The following COL21A1 variants were observed in gnomAD, a reference collection of about 807,000 sequenced individuals.
The protein encoded by COL21A1 is collagen alpha-1(XXI) chain.
A neutral mutation model predicts 137.9 loss-of-function variants in COL21A1; 149 were observed. The ratio of observed to expected loss-of-function variants is 1.08; its 90% CI spans 0.95 to 1.24. The LOEUF (loss-of-function observed/expected upper bound fraction) is 1.24, where lower values mean the gene tolerates loss of function less well. Ranked by LOEUF, COL21A1 falls within the 50% of genes most tolerant of loss-of-function variation. The pLI, the probability that COL21A1 is intolerant of heterozygous loss-of-function variation, is 0.00. For synonymous variants in COL21A1, 456 were observed against 391.5 expected, an observed-to-expected ratio of 1.16 and a Z score of -1.95; for missense variants, 1,167 against 1,158.4, an observed-to-expected ratio of 1.01 and a Z score of -0.11.
chr6:56,066,965 A>G (rs6914758), intron 23 of COL21A1, among the ~76,000 whole-genome samples: 9,781 of 138,128 alleles, frequency 0.071, 705 homozygotes, highest in African/African-American at 0.18. Context: ...GTGTGTGTGT[A>G]TATATATATA....
chr6:56,347,084 C>A (rs1199457183), intron 1 of COL21A1, among the ~76,000 whole-genome samples: 2 of 152,144 alleles, frequency 1.3e-5, no homozygotes, highest in Non-Finnish European at 2.9e-5. Flanking sequence ...CACTCAGCTG[C>A]CTTTGCTGCA....
chr6:56,346,857 T>G (rs113024811), intron 1 of COL21A1, among the ~76,000 whole-genome samples: 3,451 of 152,206 alleles, frequency 0.023, 55 homozygotes, highest in Middle Eastern at 0.034. Context: ...ATGTTCAGGT[T>G]TGTGCTGGTC....
intron 1 of COL21A1, among the ~76,000 whole-genome samples, chr6:56,230,576 G>A (rs1167164978): frequency 4.0e-5 from 6 of 151,646 alleles, no homozygotes; most frequent in Non-Finnish European, 7.4e-5. Context: ...TTAACATAAA[G>A]TATTGTCATG....
intron 1 of COL21A1, among the ~76,000 whole-genome samples, chr6:56,233,743 C>CAAA (rs35925060): frequency 6.8e-6 from 1 of 146,008 alleles, no homozygotes; most frequent in African/African-American, 2.5e-5. Context: ...CTTGAATAGG[C>CAAA]AAAAAAAAAA....
intron 1 of COL21A1, among the ~76,000 whole-genome samples, chr6:56,361,711 G>C (rs1765970323): frequency 6.6e-6 from 1 of 152,050 alleles, no homozygotes; most frequent in Admixed American, 6.6e-5. Flanking sequence ...AAATCAAAAA[G>C]TCAAAGCAGT....
rs377694812 is a variant in COL21A1 at position 56,314,066 on chromosome 6, C to A, written c.-39+79905G>T. Reference sequence around the variant, plus strand: ...GTGGGGTGATCTCAGCTCACTGTAACCTCCACCTCCTGGGTTCAAGTGATT... The same window carrying A: ...GTGGGGTGATCTCAGCTCACTGTAAACTCCACCTCCTGGGTTCAAGTGATT... On this transcript the variant is annotated intron_variant, in intron 1 of 28. Transcript: ENST00000370819. Among the ~76,000 whole-genome samples, 24 of 152,262 alleles carry A rather than the reference C, an allele frequency of 1.6e-4. No individual in the cohort carries two copies. In the East Asian group the frequency reaches 3.3e-3, roughly 21 times the overall value.
At chr6:56,228,223 G>C (rs1159159397) in intron 1 of COL21A1, among the ~76,000 whole-genome samples, 1 of 151,868 alleles carries the variant, frequency 6.6e-6, no homozygotes. Flanking sequence ...TCACATTTTA[G>C]AAAGCTCACA....
intron 1 of COL21A1, among the ~76,000 whole-genome samples, chr6:56,305,413 G>T (rs1379838240): frequency 1.3e-5 from 2 of 152,090 alleles, no homozygotes; most frequent in African/African-American, 4.8e-5. Flanking sequence ...GAATCTGGGG[G>T]CTCCTGTATT....
chr6:56,177,644 A>C (rs891455712), intron 3 of COL21A1, among the ~76,000 whole-genome samples: 2 of 151,862 alleles, frequency 1.3e-5, no homozygotes, highest in African/African-American at 4.8e-5. Context: ...AAATAGAAAA[A>C]ATTAGCCGGG....
chr6:56,080,463 T>A (rs1386857447), intron 17 of COL21A1, among the ~76,000 whole-genome samples: 2 of 151,880 alleles, frequency 1.3e-5, no homozygotes, highest in African/African-American at 4.8e-5. Flanking sequence ...AGAATAGAAA[T>A]ACATACTTTA....
chr6:56,362,246 C>T (rs1255365515), intron 1 of COL21A1, among the ~76,000 whole-genome samples: 4 of 152,006 alleles, frequency 2.6e-5, no homozygotes, highest in Admixed American at 6.6e-5. Context: ...AATGTATAAT[C>T]GTGTCTGAAG....
At chr6:56,128,749 G>A (rs1016823132) in intron 12 of COL21A1, among the ~76,000 whole-genome samples, 4 of 152,154 alleles carry the variant, frequency 2.6e-5, no homozygotes, top group African/African-American at 9.7e-5. Context: ...CTGCCCCCCA[G>A]GCTCAGGTGA....
At chr6:56,097,522 G>C (rs1449933261) in intron 17 of COL21A1, among the ~76,000 whole-genome samples, 1 of 151,300 alleles carries the variant, frequency 6.6e-6, no homozygotes, top group African/African-American at 2.4e-5. Context: ...GGAATATTGG[G>C]AGGAAAGAAA....
In COL21A1 at chr6:56,130,165, T is replaced by TA. The variant is rs1773409432; in HGVS notation, c.1543-4017_1543-4016insT. On this transcript the variant is annotated intron_variant, in intron 12 of 29. Transcript: ENST00000244728. ...CCCTGAGAGCATTCATGACAGGGTT[T>TA]TATATATATATATATATATATATAT... 2.8e-5 allele frequency among the ~76,000 whole-genome samples: 3 copies of TA among 107,938 alleles called. No individual in the cohort carries two copies. In the East Asian group the frequency reaches 7.4e-4, roughly 26 times the overall value. The allele number at this position is 107,938 out of a possible 152,430, so 70.8% of individuals were successfully genotyped here.
At position 56,164,473 on chromosome 6, in the gene COL21A1, G is replaced by C; in HGVS notation, c.1321C>G (p.Pro441Ala). ...LNGPSDVGSTPAPCICPPGKP... is the reference protein window; with the variant it reads ...LNGPSDVGSTAAPCICPPGKP... The stretch of plus-strand genomic sequence containing the variant: ...CCCGGAGGACAAATACAGGGAGCTG[G>C]AGTTGAACCTACATCACTGGGACCA... The change falls in exon 9 of 30, where the codon CCA becomes GCA. Residue 441 changes from proline (P) to alanine (A), a missense_variant. Physicochemically the swap from Pro to Ala is conservative, Grantham distance 27 (BLOSUM62 -1). Coordinates refer to ENST00000244728, the MANE Select transcript of COL21A1 (RefSeq NM_030820.4). The C allele has an allele frequency of 6.3e-7, 1 of 1,589,978 alleles. No homozygotes were observed. Among genetic ancestry groups the C allele is most frequent in the South Asian group, 1.1e-5 (1 of 86,986 alleles).
chr6:56,057,733 G>C lies in COL21A1; in HGVS notation c.2798C>G (p.Pro933Arg). ...KPGIQGQPGPPGICDPSLCFS... is the reference protein window; with the variant it reads ...KPGIQGQPGPRGICDPSLCFS... ...ACATAGTGATGGGTCGCAGATGCCT[G>C]GGGGGCCTGGTTGCCCTTGGATTCC... The change falls in exon 30 of 30, where the codon CCA becomes CGA. Residue 933 changes from proline (P) to arginine (R), a missense_variant. Transcript: ENST00000244728. 6.2e-7 allele frequency: 1 copy of C among 1,612,530 alleles called. No homozygotes were observed. The highest frequency in any genetic ancestry group is 8.5e-7 in the Non-Finnish European group (1 of 1,179,276).
chr6:56,256,053 T>C (rs1782962557), intron 1 of COL21A1, among the ~76,000 whole-genome samples: 2 of 152,206 alleles, frequency 1.3e-5, no homozygotes, highest in African/African-American at 4.8e-5. Flanking sequence ...TCTGATGTTT[T>C]CCTAAAGAAA....
In COL21A1 at chr6:56,097,854, T is replaced by TATATAA. The variant is rs1562188117; in HGVS notation, c.1812+3617_1812+3618insTTATAT. On this transcript the variant is annotated intron_variant, in intron 17 of 29. Transcript: ENST00000244728. ...ATATATATAAATATATAAATATATA[T>TATATAA]AAATATATAAAAATATCTATAAATA... 2.3e-4 allele frequency among the ~76,000 whole-genome samples: 20 copies of TATATAA among 87,182 alleles called. 4 individuals are homozygous for TATATAA. Among genetic ancestry groups the TATATAA allele is most frequent in the African/African-American group, 4.2e-4 (8 of 19,082 alleles). 57.2% of individuals were successfully genotyped at this position (87,182 alleles called of 152,430 possible).
intron 9 of COL21A1, 117 bp from the exon 10 acceptor site, chr6:56,157,066 C>G: frequency 2.7e-6 from 1 of 373,294 alleles, no homozygotes; most frequent in African/African-American, 5.0e-5. Context: ...ATGTTAAAAA[C>G]AAAAGTAAAA....
Sources: allele counts gnomAD v4.1 joint callset (sites outside exome capture counted in the v4.1 genomes callset), GRCh38; gene constraint gnomAD v4.1.1; transcripts MANE v1.5; gene names NCBI Gene and HGNC (gene_info 2026-07-23, HGNC 2026-07-21).